Variants in ARHGAP15 observed in about 807,000 individuals in gnomAD.
The protein encoded by ARHGAP15 is Rho GTPase activating protein 15, also known as rho GTPase-activating protein 15.
ARHGAP15 carries 51 observed loss-of-function variants against 63.7 expected under a neutral mutation model. The observed-to-expected ratio is 0.80, with a 90% CI of 0.64 to 1.01. ARHGAP15 has a LOEUF of 1.01. ARHGAP15 is among the 50% of genes least tolerant of loss of function. The pLI is 0.00. For missense variants in ARHGAP15, 560 were observed against 564.6 expected (o/e 0.99, Z 0.08); for synonymous variants, 191 against 193.8 (o/e 0.99, Z 0.12).
intron 10 of ARHGAP15, among the ~76,000 whole-genome samples, chr2:143,549,235 T>C (rs1447448030): frequency 6.6e-6 from 1 of 152,160 alleles, no homozygotes; most frequent in Non-Finnish European, 1.5e-5. Flanking sequence ...CACATTCAAG[T>C]TGGCAGTCTC....
chr2:143,257,288 T>C (rs953580821), intron 6 of ARHGAP15, among the ~76,000 whole-genome samples: 1 of 152,114 alleles, frequency 6.6e-6, no homozygotes, highest in Non-Finnish European at 1.5e-5. Context: ...ACAGTAAAGA[T>C]TGAAAATAGT....
chr2:143,721,391 G>T (rs1685051927), intron 13 of ARHGAP15, among the ~76,000 whole-genome samples: 1 of 152,168 alleles, frequency 6.6e-6, no homozygotes, highest in Non-Finnish European at 1.5e-5. Context: ...TCTCAGAATG[G>T]CTTTTTCCAT....
chr2:143,273,056 C>CTT (rs952661058), intron 6 of ARHGAP15, among the ~76,000 whole-genome samples: 3 of 112,434 alleles, frequency 2.7e-5, no homozygotes, highest in African/African-American at 9.8e-5. Context: ...TTTCATTGTT[C>CTT]TTGTGTCTTT....
chr2:143,703,263 A>G (rs1456615076), intron 12 of ARHGAP15, among the ~76,000 whole-genome samples, 156 bp from the exon 13 acceptor site: 1 of 152,194 alleles, frequency 6.6e-6, no homozygotes, highest in East Asian at 1.9e-4. Flanking sequence ...GAAACTCCTT[A>G]ATAACCAGGT....
At chr2:143,618,821 A>G (rs1043824712) in intron 11 of ARHGAP15, among the ~76,000 whole-genome samples, 1 of 143,696 alleles carries the variant, frequency 7.0e-6, no homozygotes, top group African/African-American at 2.5e-5. Flanking sequence ...ACAAGAGGAA[A>G]GGGGTAAACT....
chr2:143,530,323 A>G (rs546676518), intron 10 of ARHGAP15, among the ~76,000 whole-genome samples: 57 of 152,238 alleles, frequency 3.7e-4, no homozygotes, highest in Non-Finnish European at 7.6e-4. Context: ...AATAATCTTG[A>G]ATAGGATAGG....
In ARHGAP15 at chr2:143,482,653, G is replaced by A. The variant is rs370327375; in HGVS notation, c.704-4720G>A. ...GTTTTTCTCCCTTGACAACAGAAAA[G>A]CGTAAACTGTTTTATAAGTTTGGCT... On this transcript the variant is annotated intron_variant, in intron 8 of 13. Coordinates refer to ENST00000295095, the MANE Select transcript of ARHGAP15 (RefSeq NM_018460.4). Among the ~76,000 whole-genome samples, 30 of 152,304 alleles carry A rather than the reference G, an allele frequency of 2.0e-4. No homozygotes were observed. The East Asian group carries it at 4.8e-3, about 24-fold the overall frequency.
At chr2:143,656,934 G>GGTGTGTGTGTGTGT (rs5834961) in intron 12 of ARHGAP15, among the ~76,000 whole-genome samples, 2,505 of 144,970 alleles carry the variant, frequency 0.017, 48 homozygotes, top group East Asian at 0.023. Context: ...CAAAGTTTCT[G>GGTGTGTGTGTGTGT]GTGTGTGTGT....
chr2:143,730,975 A>G (rs1366227291), intron 13 of ARHGAP15, among the ~76,000 whole-genome samples: 2 of 133,750 alleles, frequency 1.5e-5, no homozygotes, highest in Non-Finnish European at 3.0e-5. Flanking sequence ...TTTATTGCAG[A>G]CATCTGGGAG....
At position 143,150,045 on chromosome 2, in the gene ARHGAP15, T is replaced by C. The variant is rs1369242049; in HGVS notation, c.-14-5432T>C. ...GGGTCTATGGCGAAATCAAGGATGC[T>C]GGGGGGTGTGGGCCCTGAGTGCCAT... On this transcript the variant is annotated intron_variant, in intron 1 of 13. Coordinates refer to ENST00000295095, the MANE Select transcript of ARHGAP15 (RefSeq NM_018460.4). Among the ~76,000 whole-genome samples, 3 of 152,044 alleles carry C rather than the reference T, an allele frequency of 2.0e-5. No homozygotes were observed. The East Asian group carries it at 5.8e-4, about 30-fold the overall frequency.
At chr2:143,721,023 C>T (rs1447688705) in intron 13 of ARHGAP15, among the ~76,000 whole-genome samples, 4 of 138,028 alleles carry the variant, frequency 2.9e-5, no homozygotes, top group Non-Finnish European at 6.1e-5. Flanking sequence ...CCGAGAGCCA[C>T]TGCGCTCCAG....
rs1335708652 is a variant in ARHGAP15, at chr2:143,768,086, A to T, written c.1342A>T (p.Met448Leu). ...GCGAGCTGAAAATGAAACAGGAAAC[A>T]TGGCGATCCACATGGTCTACCAGAA... ...LLRAENETGN[M>L]AIHMVYQNQI... Residue 448 changes from methionine to leucine, a missense_variant, in exon 14 of 14, where the codon ATG (methionine) becomes TTG (leucine). Transcript: ENST00000295095. The T allele has an allele frequency of 1.2e-6, 2 of 1,613,738 alleles. No individual in the cohort carries two copies. The highest frequency in any genetic ancestry group is 2.7e-5 in the African/African-American group (2 of 74,894).
rs142753263 is a variant in ARHGAP15 at position 143,676,902 on chromosome 2, C to T, written c.1139-26517C>T. On this transcript the variant is annotated intron_variant, in intron 12 of 13. Coordinates refer to ENST00000295095, the MANE Select transcript of ARHGAP15 (RefSeq NM_018460.4). Reference sequence around the variant, plus strand: ...AAAAACAAACAAACAAAAAAACCCTCAATATCTGCAAAATCTGCAAAGTGC... The same window carrying T: ...AAAAACAAACAAACAAAAAAACCCTTAATATCTGCAAAATCTGCAAAGTGC... 1.2e-3 allele frequency among the ~76,000 whole-genome samples: 176 copies of T among 152,274 alleles called. 3 individuals are homozygous for T. The East Asian group carries it at 0.03, about 26-fold the overall frequency.
At chr2:143,766,459 G>A (rs1355695887) in intron 13 of ARHGAP15, among the ~76,000 whole-genome samples, 1 of 152,244 alleles carries the variant, frequency 6.6e-6, no homozygotes, top group East Asian at 1.9e-4. Flanking sequence ...GGCCCCCAAC[G>A]TGCAAGAGTA....
intron 11 of ARHGAP15, among the ~76,000 whole-genome samples, chr2:143,622,020 TTG>T (rs895719161): frequency 1.3e-5 from 2 of 149,120 alleles, no homozygotes; most frequent in South Asian, 2.2e-4. Flanking sequence ...GTGTGTGTGT[TTG>T]TGTGTGTGTG....
chr2:143,201,582 C>T (rs62171699), intron 2 of ARHGAP15, among the ~76,000 whole-genome samples: 25,595 of 151,894 alleles, frequency 0.17, 2,340 homozygotes, highest in Middle Eastern at 0.24. Flanking sequence ...ATTACCAGAG[C>T]CTGGGAAGGA....
chr2:143,255,890 AAC>A (rs1316434240), intron 6 of ARHGAP15, among the ~76,000 whole-genome samples: 2 of 152,176 alleles, frequency 1.3e-5, no homozygotes, highest in Admixed American at 6.6e-5. Flanking sequence ...ATTCACGTCT[AAC>A]ACAGTTGTTT....
At chr2:143,392,706 TAATG>T (rs1574382503) in intron 6 of ARHGAP15, among the ~76,000 whole-genome samples, 1 of 152,160 alleles carries the variant, frequency 6.6e-6, no homozygotes, top group East Asian at 1.9e-4. Flanking sequence ...AACAGAAAAT[TAATG>T]AATCTGCTGA....
intron 12 of ARHGAP15, among the ~76,000 whole-genome samples, chr2:143,661,727 T>A (rs1317120978): frequency 1.3e-5 from 2 of 152,098 alleles, no homozygotes; most frequent in Non-Finnish European, 2.9e-5. Flanking sequence ...ACACCGTGCG[T>A]GAGCCGAAGC....
Sources: gnomAD v4.1 joint callset for allele counts (sites outside exome capture counted in the v4.1 genomes callset) on GRCh38, gnomAD v4.1.1 for gene constraint, MANE v1.5 for transcripts, NCBI Gene and HGNC (gene_info 2026-07-23, HGNC 2026-07-21) for gene names.